LRRC1: variants seen among roughly 807,000 people sequenced by gnomAD.
LRRC1 encodes the protein leucine-rich repeat-containing protein 1.
Under a neutral mutation model 69.9 loss-of-function variants are expected in LRRC1, and 28 were observed. The ratio of observed to expected loss-of-function variants is 0.40; its 90% confidence interval spans 0.30 to 0.55. LRRC1 has a LOEUF of 0.55. Among genes scored for constraint, LRRC1 ranks in the 20% least tolerant of loss-of-function variants. LRRC1 has a pLI of 0.47. For missense variants in LRRC1, 498 were observed against 609.0 expected (o/e 0.82, Z 1.92); for synonymous variants, 236 against 240.2 (o/e 0.98, Z 0.16).
chr6:53,891,505 C>A (rs549657085), intron 4 of LRRC1, among the ~76,000 whole-genome samples: 1 of 148,576 alleles, frequency 6.7e-6, no homozygotes. Flanking sequence ...ATGTATAGAA[C>A]GCTACCTTTC....
intron 1 of LRRC1, among the ~76,000 whole-genome samples, chr6:53,823,440 A>G (rs1242925056): frequency 6.6e-6 from 1 of 152,168 alleles, no homozygotes; most frequent in Non-Finnish European, 1.5e-5. Flanking sequence ...GATTTGGTCA[A>G]TGCTTCCTTT....
chr6:53,814,040 T>A (rs1764877607), intron 1 of LRRC1, among the ~76,000 whole-genome samples: 1 of 152,186 alleles, frequency 6.6e-6, no homozygotes, highest in African/African-American at 2.4e-5. Context: ...GTTTCTTGAT[T>A]CGTACTTCCT....
Position 53,880,879 on chromosome 6 carries a change from G to A in LRRC1, c.356+1808G>A, listed in dbSNP as rs547734798. 6.6e-5 allele frequency among the ~76,000 whole-genome samples: 10 copies of A among 152,302 alleles called. No homozygotes were observed. In the South Asian group the frequency reaches 2.1e-3, roughly 32 times the overall value. ...GTTGAACTGGACTAAACTTAAGGCA[G>A]CCTACAGGGTTTGGCAAGCTGGGAA... On this transcript the variant is annotated intron_variant, in intron 3 of 13. Transcript: ENST00000370888.
At chr6:53,874,334 A>G (rs778978847) in intron 2 of LRRC1, among the ~76,000 whole-genome samples, 20 of 152,178 alleles carry the variant, frequency 1.3e-4, no homozygotes, top group Admixed American at 9.8e-4. Context: ...AGATTCAACT[A>G]TAGATTTGAC....
chr6:53,803,283 T>C (rs1244359194), intron 1 of LRRC1, among the ~76,000 whole-genome samples: 1 of 152,162 alleles, frequency 6.6e-6, no homozygotes, highest in Non-Finnish European at 1.5e-5. Context: ...GAATGAGATG[T>C]CGTGTTCTTT....
chr6:53,866,062 C>T (rs1191095100), intron 2 of LRRC1, among the ~76,000 whole-genome samples: 2 of 152,016 alleles, frequency 1.3e-5, no homozygotes, highest in East Asian at 3.9e-4. Flanking sequence ...TTGATATTTC[C>T]TTCCTCTGGT....
At chr6:53,862,013 A>G (rs1016846581) in intron 2 of LRRC1, among the ~76,000 whole-genome samples, 4 of 152,166 alleles carry the variant, frequency 2.6e-5, no homozygotes, top group Non-Finnish European at 5.9e-5. Flanking sequence ...AGGGGAGGAA[A>G]AGATTCCCAT....
intron 2 of LRRC1, among the ~76,000 whole-genome samples, chr6:53,842,489 T>G (rs1268873362): frequency 1.3e-5 from 2 of 152,220 alleles, no homozygotes; most frequent in African/African-American, 4.8e-5. Context: ...GTCAGTTAAC[T>G]TATAGGCATT....
intron 2 of LRRC1, among the ~76,000 whole-genome samples, chr6:53,871,966 C>T (rs1380019541): frequency 1.3e-5 from 2 of 152,158 alleles, no homozygotes; most frequent in Non-Finnish European, 2.9e-5. Flanking sequence ...CCGCCCCTGG[C>T]CTGTTTTTTG....
Position 53,882,842 on chromosome 6 carries a change from G to A in LRRC1, c.357-45G>A, listed in dbSNP as rs370555843. ...TTTATGCTTGGTATACACTATACAT[G>A]AACTTTTTTAATTTACAGCGTTTTG... On this transcript the variant is annotated intron_variant, in intron 3 of 13. Transcript: ENST00000370888. 6 of 1,250,038 alleles carry A rather than the reference G, an allele frequency of 4.8e-6. No individual in the cohort carries two copies. The African/African-American group carries it at 6.0e-5, about 12-fold the overall frequency. The allele number at this position is 1,250,038 out of a possible 1,614,324, so 77.4% of individuals were successfully genotyped here.
intron 1 of LRRC1, among the ~76,000 whole-genome samples, chr6:53,823,338 T>C (rs1026810623): frequency 6.6e-6 from 1 of 152,246 alleles, no homozygotes; most frequent in Non-Finnish European, 1.5e-5. Context: ...TGGATCCTTA[T>C]GAAAAAGACA....
intron 11 of LRRC1, 21 bp from the exon 12 acceptor site, chr6:53,919,477 T>TTTAAA: frequency 1.0e-5 from 13 of 1,256,340 alleles, no homozygotes; most frequent in South Asian, 5.4e-5. Flanking sequence ...TCTCTTTTTT[T>TTTAAA]AAAAAAAAAA....
chr6:53,905,637 T>C (rs1346357905), intron 10 of LRRC1, among the ~76,000 whole-genome samples: 1 of 152,196 alleles, frequency 6.6e-6, no homozygotes, highest in Non-Finnish European at 1.5e-5. Flanking sequence ...TCAGAACATG[T>C]GGCGTTCTTG....
chr6:53,906,912 AG>A (rs1347747479), intron 10 of LRRC1, among the ~76,000 whole-genome samples: 1 of 152,228 alleles, frequency 6.6e-6, no homozygotes, highest in Non-Finnish European at 1.5e-5. Context: ...CTCAGCTCCC[AG>A]CGTAGGAAAA....
At chr6:53,814,118 C>T (rs991684717) in intron 1 of LRRC1, among the ~76,000 whole-genome samples, 4 of 152,186 alleles carry the variant, frequency 2.6e-5, no homozygotes, top group African/African-American at 9.7e-5. Context: ...ACTTCTCTAA[C>T]TCCAACTCAT....
At chr6:53,863,196 T>C (rs946755949) in intron 2 of LRRC1, among the ~76,000 whole-genome samples, 1 of 152,252 alleles carries the variant, frequency 6.6e-6, no homozygotes, top group African/African-American at 2.4e-5. Flanking sequence ...TCTGGATTCA[T>C]GGTTTTCATA....
At chr6:53,835,254 G>A (rs1248867499) in intron 1 of LRRC1, among the ~76,000 whole-genome samples, 1 of 152,130 alleles carries the variant, frequency 6.6e-6, no homozygotes, top group Non-Finnish European at 1.5e-5. Flanking sequence ...CTAGGCAACT[G>A]CTAATCTACT....
intron 2 of LRRC1, among the ~76,000 whole-genome samples, chr6:53,872,957 A>G (rs1434863653): frequency 2.6e-5 from 4 of 151,868 alleles, no homozygotes; most frequent in South Asian, 2.1e-4. Context: ...GAGTTTCACC[A>G]TGTTGGCCAA....
intron 10 of LRRC1, among the ~76,000 whole-genome samples, chr6:53,908,160 G>A (rs1249899995): frequency 1.3e-5 from 2 of 152,210 alleles, no homozygotes; most frequent in East Asian, 3.8e-4. Context: ...ATATGTGTGA[G>A]CATGAGTATG....
Sources: allele counts gnomAD v4.1 joint callset (sites outside exome capture counted in the v4.1 genomes callset), GRCh38; gene constraint gnomAD v4.1.1; transcripts MANE v1.5; gene names NCBI Gene and HGNC (gene_info 2026-07-23, HGNC 2026-07-21).